CSMD3: variants seen among roughly 807,000 people sequenced by gnomAD.
The protein encoded by CSMD3 is CUB and sushi domain-containing protein 3.
CSMD3 carries 177 observed loss-of-function variants against 435.2 expected under a neutral mutation model. That is an observed-to-expected ratio of 0.41 (90% CI 0.36 to 0.46). The LOEUF (loss-of-function observed/expected upper bound fraction) is 0.46. Ranked by LOEUF, CSMD3 falls within the 20% of genes least tolerant of loss-of-function variation. The probability of loss-of-function intolerance (pLI) is 0.34; values close to 1 mark genes in which losing one functional copy is unlikely to be tolerated. For synonymous variants in CSMD3, 1,656 were observed against 1,520.5 expected, an observed-to-expected ratio of 1.09 and a Z score of -2.07; for missense variants, 4,265 against 4,504.6, an observed-to-expected ratio of 0.95 and a Z score of 1.52.
intron 13 of CSMD3, among the ~76,000 whole-genome samples, chr8:112,707,488 G>A (rs535954672): frequency 6.6e-6 from 1 of 150,456 alleles, no homozygotes; most frequent in African/African-American, 2.5e-5. Flanking sequence ...TGCGGCGGGA[G>A]GGGGGTGGTT....
intron 2 of CSMD3, among the ~76,000 whole-genome samples, chr8:113,281,579 GC>G (rs1299047299): frequency 6.6e-6 from 1 of 151,834 alleles, no homozygotes; most frequent in Non-Finnish European, 1.5e-5. Flanking sequence ...CCTGAAGGCA[GC>G]AGATAGTTGG....
At chr8:113,402,561 A>C (rs1399987469) in intron 1 of CSMD3, among the ~76,000 whole-genome samples, 1 of 151,258 alleles carries the variant, frequency 6.6e-6, no homozygotes, top group Non-Finnish European at 1.5e-5. Flanking sequence ...TATTGAGGAA[A>C]TGCATTAATA....
At chr8:113,277,496 TGTTTA>T (rs1301282113) in intron 3 of CSMD3, among the ~76,000 whole-genome samples, 1 of 152,008 alleles carries the variant, frequency 6.6e-6, no homozygotes, top group Non-Finnish European at 1.5e-5. Context: ...CTAGAATTAG[TGTTTA>T]GTTTAAGACA....
chr8:112,660,201 T>C (rs1271234883), intron 17 of CSMD3, among the ~76,000 whole-genome samples: 3 of 152,074 alleles, frequency 2.0e-5, no homozygotes, highest in Admixed American at 6.6e-5. Flanking sequence ...AAGAATCCAT[T>C]ATGTGTTAGA....
intron 5 of CSMD3, among the ~76,000 whole-genome samples, chr8:113,082,560 G>GGGTC (rs142068151): frequency 1.0e-3 from 155 of 152,006 alleles, no homozygotes; most frequent in African/African-American, 3.6e-3. Context: ...TATCAATATA[G>GGGTC]GGTCATAAGA....
intron 47 of CSMD3, 78 bp from the exon 48 acceptor site, chr8:112,314,695 T>C: frequency 1.0e-6 from 1 of 955,402 alleles, no homozygotes; most frequent in Non-Finnish European, 1.7e-6. Context: ...TACTGAGTAT[T>C]CTGCTTTCAT....
intron 6 of CSMD3, among the ~76,000 whole-genome samples, chr8:112,988,088 A>C (rs572978963): frequency 3.5e-4 from 53 of 152,102 alleles, no homozygotes; most frequent in South Asian, 1.9e-3. Flanking sequence ...GCCTTCATAG[A>C]AAATATGGGT....
intron 16 of CSMD3, among the ~76,000 whole-genome samples, chr8:112,677,334 G>A (rs1245420147): frequency 6.6e-6 from 1 of 151,416 alleles, no homozygotes; most frequent in Non-Finnish European, 1.5e-5. Context: ...CTTGAATGGT[G>A]GGTGAGAAGG....
chr8:112,331,202 A>C (rs1263078838), intron 45 of CSMD3, among the ~76,000 whole-genome samples: 2 of 152,040 alleles, frequency 1.3e-5, no homozygotes, highest in Non-Finnish European at 2.9e-5. Context: ...ATTTTGAGTA[A>C]TTTATCTTTC....
chr8:112,853,061 C>G (rs911324015), intron 11 of CSMD3, among the ~76,000 whole-genome samples: 3 of 152,082 alleles, frequency 2.0e-5, no homozygotes, highest in African/African-American at 7.2e-5. Context: ...GACACTTAAT[C>G]TGATTCTTCC....
At chr8:112,663,193 T>G (rs567403463) in intron 17 of CSMD3, among the ~76,000 whole-genome samples, 2 of 152,192 alleles carry the variant, frequency 1.3e-5, no homozygotes, top group African/African-American at 4.8e-5. Context: ...ACATGTATGT[T>G]TACTGCAGCA....
intron 10 of CSMD3, among the ~76,000 whole-genome samples, chr8:112,910,466 A>C (rs554526784): frequency 6.6e-6 from 1 of 151,738 alleles, no homozygotes. Flanking sequence ...CCCTACAAAA[A>C]CATTATACCT....
chr8:112,778,678 G>A (rs1563951646), intron 13 of CSMD3, among the ~76,000 whole-genome samples: 1 of 151,900 alleles, frequency 6.6e-6, no homozygotes, highest in Non-Finnish European at 1.5e-5. Context: ...TAAGTTTTGA[G>A]TTCATTTGCG....
chr8:112,341,427 A>C (rs763900283), intron 42 of CSMD3, 50 bp downstream of exon 42: 1 of 1,158,878 alleles, frequency 8.6e-7, no homozygotes, highest in South Asian at 1.3e-5. Flanking sequence ...AATATTTCTA[A>C]TAGCTGATTT....
intron 4 of CSMD3, among the ~76,000 whole-genome samples, chr8:113,120,406 T>C (rs2090954123): frequency 6.6e-6 from 1 of 152,184 alleles, no homozygotes; most frequent in Non-Finnish European, 1.5e-5. Context: ...TATTATTTAT[T>C]CTAAGCTTAG....
chr8:112,353,679 C>G (rs1386872704), intron 38 of CSMD3, among the ~76,000 whole-genome samples: 3 of 151,904 alleles, frequency 2.0e-5, no homozygotes, highest in Non-Finnish European at 2.9e-5. Context: ...CTGAACAGAC[C>G]ACTGAGTTCT....
Position 113,436,816 on chromosome 8 carries a change from T to A in CSMD3, c.39A>T (p.Glu13Asp), listed in dbSNP as rs200851733. ...GCTTGCCAGGCTCCCAGGGTTTGGA[T>A]TCCTTTGCTCGGCTTTCCCCTTTGC... ...GIRKGESRAK[E>D]SKPWEPGKRR... The change falls in exon 1 of 71, where the codon GAA becomes GAT. Residue 13 changes from glutamate (E) to aspartate (D), a missense_variant. By Grantham distance (45) the Glu-to-Asp change is conservative. Coordinates refer to ENST00000297405, the MANE Select transcript of CSMD3 (RefSeq NM_198123.2). 8.7e-4 allele frequency: 1,408 copies of A among 1,614,166 alleles called. 4 individuals are homozygous for A. The highest frequency in any genetic ancestry group is 7.8e-4 in the Non-Finnish European group (919 of 1,180,044).
At chr8:112,699,509 T>G (rs917321983) in intron 13 of CSMD3, among the ~76,000 whole-genome samples, 7 of 152,188 alleles carry the variant, frequency 4.6e-5, no homozygotes, top group African/African-American at 1.7e-4. Context: ...TCACAGTGGT[T>G]GTGGATTTTT....
chr8:112,528,543 A>G (rs1825212236), intron 27 of CSMD3, among the ~76,000 whole-genome samples: 1 of 152,186 alleles, frequency 6.6e-6, no homozygotes, highest in Non-Finnish European at 1.5e-5. Flanking sequence ...TTAGGAAATA[A>G]TTCCAATAAA....
Sources: gnomAD v4.1 joint callset for allele counts (sites outside exome capture counted in the v4.1 genomes callset) on GRCh38, gnomAD v4.1.1 for gene constraint, MANE v1.5 for transcripts, NCBI Gene and HGNC (gene_info 2026-07-23, HGNC 2026-07-21) for gene names.